PTPRT: variants seen among roughly 807,000 people sequenced by gnomAD.
The protein encoded by PTPRT is receptor-type tyrosine-protein phosphatase T.
In PTPRT, 56 loss-of-function variants were observed where a neutral mutation model predicts 176.8. That is an observed-to-expected ratio of 0.32 (90% confidence interval 0.26 to 0.40). PTPRT has a LOEUF of 0.40. PTPRT is among the 10% of genes least tolerant of loss of function. The pLI, the probability that PTPRT is intolerant of heterozygous loss-of-function variation, is 1.00. For synonymous variants in PTPRT, 783 were observed against 739.0 expected, an observed-to-expected ratio of 1.06 and a Z score of -0.96; for missense variants, 1,540 against 1,908.2, an observed-to-expected ratio of 0.81 and a Z score of 3.60.
intron 2 of PTPRT, among the ~76,000 whole-genome samples, chr20:42,881,912 G>T (rs1043185741): frequency 2.6e-5 from 4 of 152,070 alleles, no homozygotes; most frequent in African/African-American, 9.7e-5. Flanking sequence ...TATGAGAGAG[G>T]AGAAGAAAAG....
At chr20:42,647,750 G>A (rs980037136) in intron 7 of PTPRT, among the ~76,000 whole-genome samples, 4 of 152,188 alleles carry the variant, frequency 2.6e-5, no homozygotes, top group Non-Finnish European at 4.4e-5. Context: ...CAGGGACAGC[G>A]TCTGTGATAC....
chr20:43,014,908 G>T (rs956884186), intron 1 of PTPRT, among the ~76,000 whole-genome samples: 3 of 152,116 alleles, frequency 2.0e-5, no homozygotes, highest in African/African-American at 7.2e-5. Flanking sequence ...ACAAAGTATG[G>T]GGCATAAGAT....
intron 18 of PTPRT, among the ~76,000 whole-genome samples, chr20:42,132,319 T>C (rs893917735): frequency 1.3e-5 from 2 of 152,184 alleles, no homozygotes; most frequent in Non-Finnish European, 2.9e-5. Context: ...CAATACTATA[T>C]GGCATGAGAG....
At chr20:42,727,233 G>T (rs920555119) in intron 6 of PTPRT, among the ~76,000 whole-genome samples, 1 of 152,030 alleles carries the variant, frequency 6.6e-6, no homozygotes, top group Non-Finnish European at 1.5e-5. Flanking sequence ...AAAAAAAGAG[G>T]GTATGTCCCA....
rs1600736997 is a variant in PTPRT, at chr20:42,786,560, C to G, written c.486+4635G>C. The stretch of plus-strand genomic sequence containing the variant: ...TAATAGAGGGAGCTACTGCACAGAT[C>G]TCATGCCTCTCATAGGGTGTGAACA... On this transcript the variant is annotated intron_variant, in intron 3 of 30. Coordinates refer to ENST00000373187, the MANE Select transcript of PTPRT (RefSeq NM_007050.6). Among the ~76,000 whole-genome samples the G allele has an allele frequency of 4.6e-5, 7 of 152,166 alleles. No individual in the cohort carries two copies. The South Asian group carries it at 1.5e-3, about 32-fold the overall frequency.
intron 1 of PTPRT, among the ~76,000 whole-genome samples, chr20:43,096,407 TGA>T (rs1220578732): frequency 6.6e-6 from 1 of 152,148 alleles, no homozygotes; most frequent in Non-Finnish European, 1.5e-5. Flanking sequence ...TGATCCCAAG[TGA>T]GAGCATAGAA....
At chr20:42,584,353 C>A (rs2073433286) in intron 7 of PTPRT, among the ~76,000 whole-genome samples, 1 of 152,162 alleles carries the variant, frequency 6.6e-6, no homozygotes, top group African/African-American at 2.4e-5. Context: ...CCCCACTGGC[C>A]TCCCTGTTCC....
intron 15 of PTPRT, among the ~76,000 whole-genome samples, chr20:42,233,217 G>A (rs954434806): frequency 5.3e-5 from 8 of 152,036 alleles, no homozygotes; most frequent in Admixed American, 1.3e-4. Context: ...AAACATCCAC[G>A]TCCTACCTAG....
chr20:42,601,809 G>A (rs1184559981), intron 7 of PTPRT, among the ~76,000 whole-genome samples: 1 of 151,970 alleles, frequency 6.6e-6, no homozygotes, highest in African/African-American at 2.4e-5. Context: ...ATCTGTAAAC[G>A]AGCATGTTTA....
At chr20:42,873,001 C>G (rs2078870938) in intron 2 of PTPRT, among the ~76,000 whole-genome samples, 2 of 152,162 alleles carry the variant, frequency 1.3e-5, no homozygotes, top group Non-Finnish European at 2.9e-5. Context: ...CACAGAACCA[C>G]AATAATAACC....
chr20:43,099,799 A>G (rs1162410247), intron 1 of PTPRT, among the ~76,000 whole-genome samples: 2 of 152,192 alleles, frequency 1.3e-5, no homozygotes, highest in Non-Finnish European at 2.9e-5. Flanking sequence ...CCACAGGAGA[A>G]GCCACCCCTC....
intron 13 of PTPRT, 59 bp from the exon 14 acceptor site, chr20:42,248,881 A>T: frequency 6.3e-7 from 1 of 1,586,028 alleles, no homozygotes; most frequent in East Asian, 2.3e-5. Context: ...CGACTAGACA[A>T]TCATCATAAT....
chr20:42,456,553 G>T (rs1336622537), intron 8 of PTPRT, among the ~76,000 whole-genome samples: 3 of 151,864 alleles, frequency 2.0e-5, no homozygotes, highest in African/African-American at 7.2e-5. Flanking sequence ...AGAATATTTT[G>T]TTTTTTAAAT....
intron 13 of PTPRT, among the ~76,000 whole-genome samples, chr20:42,271,335 T>C (rs1476463165): frequency 1.3e-5 from 2 of 152,212 alleles, no homozygotes; most frequent in Non-Finnish European, 2.9e-5. Flanking sequence ...CTGATAACTG[T>C]TCATCCGTCA....
At chr20:42,812,767 T>C (rs891640052) in intron 2 of PTPRT, among the ~76,000 whole-genome samples, 4 of 152,216 alleles carry the variant, frequency 2.6e-5, no homozygotes, top group Non-Finnish European at 5.9e-5. Context: ...GGAATACTAA[T>C]TGTATTAACC....
rs926048887 is a variant in PTPRT at position 42,341,286 on chromosome 20, C to T, written c.1865+9342G>A. 5.3e-5 allele frequency among the ~76,000 whole-genome samples: 8 copies of T among 151,858 alleles called. No homozygotes were observed. The East Asian group carries it at 1.5e-3, about 29-fold the overall frequency. On this transcript the variant is annotated intron_variant, in intron 11 of 30. Coordinates refer to ENST00000373187, the MANE Select transcript of PTPRT (RefSeq NM_007050.6). ...TCACATTCTTTTTAAAGCAAGCCTA[C>T]ACCAGATGGTCCATTTTCCAGCACT...
intron 7 of PTPRT, among the ~76,000 whole-genome samples, chr20:42,661,208 G>C (rs1396297741): frequency 1.3e-5 from 2 of 152,050 alleles, no homozygotes; most frequent in Non-Finnish European, 2.9e-5. Context: ...AGACCAACAA[G>C]GTCCTTTGCG....
intron 1 of PTPRT, among the ~76,000 whole-genome samples, chr20:42,944,801 C>T (rs1035581070): frequency 1.3e-5 from 2 of 152,100 alleles, no homozygotes; most frequent in East Asian, 3.9e-4. Context: ...GTTTTAGTCC[C>T]AGTATTTATT....
chr20:42,609,305 C>G (rs891414018), intron 7 of PTPRT, among the ~76,000 whole-genome samples: 1 of 151,994 alleles, frequency 6.6e-6, no homozygotes. Flanking sequence ...AACTCCTGAC[C>G]GCAAACGATC....
Sources: gnomAD v4.1 joint callset for allele counts (sites outside exome capture counted in the v4.1 genomes callset) on GRCh38, gnomAD v4.1.1 for gene constraint, MANE v1.5 for transcripts, NCBI Gene and HGNC (gene_info 2026-07-23, HGNC 2026-07-21) for gene names.